The following TPST1 variants were observed in gnomAD, a reference collection of about 807,000 sequenced individuals.
TPST1 encodes the protein tyrosylprotein sulfotransferase 1, also known as protein-tyrosine sulfotransferase 1.
TPST1 carries 20 observed loss-of-function variants against 34.8 expected under a neutral mutation model. The ratio of observed to expected loss-of-function variants is 0.57; its 90% CI spans 0.40 to 0.84. TPST1 has a LOEUF of 0.84. Ranked by LOEUF, TPST1 falls within the 40% of genes least tolerant of loss-of-function variation. The probability of loss-of-function intolerance (pLI) is 0.00; values close to 1 mark genes in which losing one functional copy is unlikely to be tolerated. For synonymous variants in TPST1, 152 were observed against 159.4 expected, an observed-to-expected ratio of 0.95 and a Z score of 0.35; for missense variants, 353 against 455.5, an observed-to-expected ratio of 0.78 and a Z score of 2.05.
At chr7:66,199,641 C>G in the TPST1 span, among the ~76,000 whole-genome samples, 1 of 151,654 alleles carries the variant, frequency 6.6e-6, no homozygotes, top group African/African-American at 2.4e-5. Context: ...CATTTCCCAC[C>G]TCTGCCACCA....
chr7:66,350,870 G>A (rs1792463391), intron 3 of TPST1, among the ~76,000 whole-genome samples: 2 of 151,988 alleles, frequency 1.3e-5, no homozygotes, highest in African/African-American at 4.8e-5. Flanking sequence ...AAACATCTTT[G>A]TACTTAAATG....
chr7:66,334,821 C>A (rs1168648789), intron 3 of TPST1, among the ~76,000 whole-genome samples: 1 of 152,030 alleles, frequency 6.6e-6, no homozygotes, highest in Admixed American at 6.6e-5. Context: ...CCTAGCCCTG[C>A]AGTTTCCAAG....
At chr7:66,331,622 C>T (rs1350992117) in intron 3 of TPST1, among the ~76,000 whole-genome samples, 1 of 152,118 alleles carries the variant, frequency 6.6e-6, no homozygotes, top group African/African-American at 2.4e-5. Flanking sequence ...AGAAAATTAG[C>T]AATTGTGTGT....
chr7:66,252,555 G>C (rs539247217), intron 2 of TPST1, among the ~76,000 whole-genome samples: 2 of 151,096 alleles, frequency 1.3e-5, no homozygotes, highest in Non-Finnish European at 2.9e-5. Flanking sequence ...GGATGATCTC[G>C]ATCTCCTGAC....
intron 3 of TPST1, among the ~76,000 whole-genome samples, chr7:66,335,252 T>C (rs1792073322): frequency 6.6e-6 from 1 of 152,136 alleles, no homozygotes; most frequent in Non-Finnish European, 1.5e-5. Flanking sequence ...GCCCAGGAGT[T>C]CAAGACCAGC....
Position 66,286,709 on chromosome 7 carries a change from G to A in TPST1, c.1044G>A (p.Arg348=). ...PDPKIIENTR[R]VYKGEFQLPD... ...CCAAAATTATTGAAAACACTCGAAG[G>A]GTAAGTGAGATTTTTTAAAGCAACT... Residue 348 remains arginine, a splice_region_variant and synonymous_variant, in exon 3 of 6, where the codon AGG becomes AGA. Transcript: ENST00000304842. 2.0e-6 allele frequency: 3 copies of A among 1,503,418 alleles called. No homozygotes were observed. The highest frequency in any genetic ancestry group is 2.7e-6 in the Non-Finnish European group (3 of 1,120,850). The allele number at this position is 1,503,418 out of a possible 1,614,324, so 93.1% of individuals were successfully genotyped here. A position where few individuals can be genotyped will look rare whatever the true frequency, so the allele number is the denominator to read the frequency against.
At chr7:66,206,067 C>T (rs975368674) in intron 1 of TPST1, 1 of 152,200 alleles carries the variant, frequency 6.6e-6, no homozygotes, top group Non-Finnish European at 1.5e-5. Flanking sequence ...CCTCTTCCTT[C>T]TCTTACTCTT....
At chr7:66,317,367 C>A (rs1220391360) in intron 3 of TPST1, among the ~76,000 whole-genome samples, 1 of 152,074 alleles carries the variant, frequency 6.6e-6, no homozygotes, top group Non-Finnish European at 1.5e-5. Context: ...CCTTTTCTAG[C>A]TTGTTTAATT....
At chr7:66,320,245 C>CTTT (rs569746911) in intron 3 of TPST1, among the ~76,000 whole-genome samples, 21 of 126,380 alleles carry the variant, frequency 1.7e-4, no homozygotes, top group Non-Finnish European at 2.5e-4. Flanking sequence ...TTTTCTTTTT[C>CTTT]TTTTTTTTTT....
chr7:66,345,550 G>A (rs1792331597), intron 3 of TPST1, among the ~76,000 whole-genome samples: 1 of 149,436 alleles, frequency 6.7e-6, no homozygotes, highest in South Asian at 2.1e-4. Flanking sequence ...AGGCACCTAG[G>A]CATATCATAA....
At chr7:66,272,642 G>T (rs941119380) in intron 2 of TPST1, among the ~76,000 whole-genome samples, 1 of 151,116 alleles carries the variant, frequency 6.6e-6, no homozygotes, top group Non-Finnish European at 1.5e-5. Flanking sequence ...AGGTTGGAAG[G>T]CAGTAGTGCA....
intron 1 of TPST1, among the ~76,000 whole-genome samples, chr7:66,213,849 A>C: frequency 1.3e-5 from 2 of 151,982 alleles, no homozygotes; most frequent in East Asian, 3.9e-4. Context: ...TTTCTCATTC[A>C]AATTGTGGTT....
intron 1 of TPST1, among the ~76,000 whole-genome samples, chr7:66,212,354 T>C (rs1039563443): frequency 2.0e-5 from 3 of 152,144 alleles, no homozygotes; most frequent in African/African-American, 7.2e-5. Flanking sequence ...CTCACTGGGA[T>C]TGGTGATGGG....
In TPST1 at chr7:66,352,529, C is replaced by A; in HGVS notation, c.1069C>A (p.Pro357Thr). The change falls in exon 4 of 6, where the codon CCT becomes ACT. Residue 357 changes from proline (P) to threonine (T), a missense_variant. Physicochemically the swap from Pro to Thr is conservative, Grantham distance 38 (BLOSUM62 -1). Coordinates refer to ENST00000304842, the MANE Select transcript of TPST1 (RefSeq NM_003596.4). ...RRVYKGEFQL[P>T]DFLKEKPQTE... ...GGTCTATAAGGGAGAATTCCAACTA[C>A]CTGACTTTCTTAAAGAAAAACCACA... 4 of 1,613,254 alleles carry A rather than the reference C, an allele frequency of 2.5e-6. No individual in the cohort carries two copies. The highest frequency in any genetic ancestry group is 3.4e-6 in the Non-Finnish European group (4 of 1,179,790).
intron 2 of TPST1, among the ~76,000 whole-genome samples, chr7:66,246,179 A>ATTTTT (rs35051150): frequency 2.2e-4 from 20 of 92,394 alleles, no homozygotes; most frequent in Non-Finnish European, 4.0e-4. Context: ...TGCCTGGCTA[A>ATTTTT]TTTTTTTTTT....
intron 1 of TPST1, among the ~76,000 whole-genome samples, chr7:66,222,835 T>C (rs1789572192): frequency 6.6e-6 from 1 of 152,180 alleles, no homozygotes. Flanking sequence ...TTCACATGTT[T>C]CCATGTGATT....
At chr7:66,320,528 T>A (rs1791734088) in intron 3 of TPST1, among the ~76,000 whole-genome samples, 1 of 151,914 alleles carries the variant, frequency 6.6e-6, no homozygotes, top group African/African-American at 2.4e-5. Context: ...ATTACAGGCG[T>A]GAGCCACCGC....
At chr7:66,276,715 C>G (rs1433881756) in intron 2 of TPST1, among the ~76,000 whole-genome samples, 3 of 151,900 alleles carry the variant, frequency 2.0e-5, no homozygotes, top group South Asian at 4.2e-4. Flanking sequence ...TGAGCTCTAT[C>G]ACCTTATTTC....
chr7:66,321,613 G>T (rs73365482), intron 3 of TPST1, among the ~76,000 whole-genome samples: 38 of 152,330 alleles, frequency 2.5e-4, no homozygotes, highest in African/African-American at 8.9e-4. Flanking sequence ...GATTGAAAAG[G>T]ATGGGTCAAA....
Sources: gnomAD v4.1 joint callset for allele counts (sites outside exome capture counted in the v4.1 genomes callset) on GRCh38, gnomAD v4.1.1 for gene constraint, MANE v1.5 for transcripts, NCBI Gene and HGNC (gene_info 2026-07-23, HGNC 2026-07-21) for gene names.